Variants in KLHL13 observed in about 807,000 individuals in gnomAD.
KLHL13 encodes the protein kelch like family member 13, also known as kelch-like protein 13.
KLHL13 carries 10 observed loss-of-function variants against 37.1 expected under a neutral mutation model. The observed-to-expected ratio is 0.27, with a 90% CI of 0.17 to 0.46. The LOEUF is 0.46. Among genes scored for constraint, KLHL13 ranks in the 20% least tolerant of loss-of-function variants. The pLI is 1.00. For missense variants in KLHL13, 360 were observed against 509.3 expected, an observed-to-expected ratio of 0.71 and a Z score of 2.82; for synonymous variants, 163 against 181.2, an observed-to-expected ratio of 0.90 and a Z score of 0.81.
At chrX:118,081,188 C>T (rs1265275057) in intron 1 of KLHL13, among the ~76,000 whole-genome samples, 2 of 111,384 alleles carry the variant, frequency 1.8e-5, no homozygotes, top group African/African-American at 6.5e-5. Flanking sequence ...GTGCGATATA[C>T]CCATGTAACA....
At chrX:117,964,541 C>T (rs2053378051) in intron 1 of KLHL13, among the ~76,000 whole-genome samples, 1 of 112,195 alleles carries the variant, frequency 8.9e-6, no homozygotes, top group African/African-American at 3.2e-5. Flanking sequence ...AGTTGAGTAA[C>T]TGCTGAATGT....
At chrX:118,068,196 T>A (rs1376089417) in intron 1 of KLHL13, among the ~76,000 whole-genome samples, 1 of 111,545 alleles carries the variant, frequency 9.0e-6, no homozygotes, top group African/African-American at 3.3e-5. Context: ...TATTTACACA[T>A]CTCTGCACAC....
chrX:118,087,632 C>G (rs893608598), intron 1 of KLHL13, among the ~76,000 whole-genome samples: 1 of 111,055 alleles, frequency 9.0e-6, no homozygotes. Context: ...ATGCATAGTA[C>G]AAAATTAAAG....
chrX:118,059,470 G>A (rs1237698487), intron 1 of KLHL13, among the ~76,000 whole-genome samples: 2 of 111,000 alleles, frequency 1.8e-5, no homozygotes, highest in African/African-American at 6.5e-5. Flanking sequence ...ACGTATAAGG[G>A]AGCACAGTCA....
chrX:117,998,270 T>A, intron 1 of KLHL13, among the ~76,000 whole-genome samples: 2 of 112,262 alleles, frequency 1.8e-5, no homozygotes, highest in South Asian at 3.7e-4. Flanking sequence ...AACGATATCA[T>A]CTCTGAAGAA....
chrX:118,113,419 G>A (rs1438714394), intron 1 of KLHL13, among the ~76,000 whole-genome samples: 2 of 112,013 alleles, frequency 1.8e-5, no homozygotes, highest in Non-Finnish European at 3.8e-5. Context: ...TTCTTTCTCA[G>A]GACCTCCAAG....
At chrX:118,046,147 A>T (rs964495744) in intron 1 of KLHL13, among the ~76,000 whole-genome samples, 7 of 112,724 alleles carry the variant, frequency 6.2e-5, no homozygotes, top group African/African-American at 2.3e-4. Context: ...CTAAGTGTCC[A>T]TCAACAGATG....
At chrX:118,108,322 G>C (rs1243813092) in intron 1 of KLHL13, among the ~76,000 whole-genome samples, 1 of 112,175 alleles carries the variant, frequency 8.9e-6, no homozygotes. Flanking sequence ...GTCAGGCCCT[G>C]TGAACTATGT....
chrX:118,100,821 T>A (rs966411540), intron 1 of KLHL13, among the ~76,000 whole-genome samples: 1 of 111,752 alleles, frequency 8.9e-6, no homozygotes, highest in Non-Finnish European at 1.9e-5. Flanking sequence ...ATCTTGAATG[T>A]CTTCTCATAT....
chrX:118,010,657 G>C (rs1206552070), intron 1 of KLHL13, among the ~76,000 whole-genome samples: 3 of 93,007 alleles, frequency 3.2e-5, no homozygotes, highest in African/African-American at 1.2e-4. Context: ...GAGTTAGTGG[G>C]TGCAGCGCAC....
intron 5 of KLHL13, among the ~76,000 whole-genome samples, chrX:117,906,829 A>G (rs148629148): frequency 3.0e-4 from 33 of 111,560 alleles, no homozygotes; most frequent in African/African-American, 1.0e-3. Flanking sequence ...CAAATGGAAT[A>G]AAATATCAAA....
intron 1 of KLHL13, among the ~76,000 whole-genome samples, chrX:118,077,928 T>C (rs2054944160): frequency 8.9e-6 from 1 of 112,185 alleles, no homozygotes; most frequent in Admixed American, 9.5e-5. Context: ...TCTAAAGTAA[T>C]GTACAGATGC....
At chrX:117,991,224 C>T (rs1354541633) in intron 1 of KLHL13, among the ~76,000 whole-genome samples, 2 of 109,797 alleles carry the variant, frequency 1.8e-5, no homozygotes, top group Non-Finnish European at 3.8e-5. Flanking sequence ...TGTATAAGCC[C>T]TTATGTGCTA....
rs972622118 is a variant in KLHL13, at chrX:118,087,392, T to C, written c.-56+29116A>G. On this transcript the variant is annotated intron_variant, in intron 1 of 6. Coordinates refer to the KLHL13 transcript ENST00000371882. ...TCCACTGAATCTACTCTTTAAAATA[T>C]ATATATATATACACATATATATATC... Among the ~76,000 whole-genome samples, 4 of 109,736 alleles carry C rather than the reference T, an allele frequency of 3.6e-5. No individual in the cohort carries two copies. In the Admixed American group the frequency reaches 3.9e-4, roughly 11 times the overall value.
rs201170363 is a variant in KLHL13, at chrX:117,919,473, C to T, written c.570+48G>A. 53 of 1,019,045 alleles carry T rather than the reference C, an allele frequency of 5.2e-5. No individual in the cohort carries two copies. In the African/African-American group the frequency reaches 9.4e-4, roughly 18 times the overall value. The allele number at this position is 1,019,045 out of a possible 1,213,427, so 84.0% of individuals were successfully genotyped here. On this transcript the variant is annotated intron_variant, in intron 4 of 6. Coordinates refer to ENST00000262820, the Ensembl canonical transcript of KLHL13. ...GCAGATTTCATGAGTCCTAAACAGG[C>T]TACATCAGAGTCTACCACAGGAAAA...
rs149074691 is a variant in KLHL13 at position 117,991,410 on chromosome X, A to C, written c.-55-45835T>G. Among the ~76,000 whole-genome samples, 605 of 111,029 alleles carry C rather than the reference A, an allele frequency of 5.4e-3. 5 individuals carry two copies. The highest frequency in any genetic ancestry group is 0.019 in the African/African-American group (573 of 30,336). On this transcript the variant is annotated intron_variant, in intron 1 of 6. Coordinates refer to the KLHL13 transcript ENST00000371882. ...TATGATTCTGTATAAACCAATCCCA[A>C]GCCAAGAGTAAACATAATACTCCAT... is the stretch of plus-strand genomic sequence containing the variant.
chrX:118,033,029 G>A (rs778873524), intron 1 of KLHL13, among the ~76,000 whole-genome samples: 1 of 110,742 alleles, frequency 9.0e-6, no homozygotes, highest in Non-Finnish European at 1.9e-5. Flanking sequence ...AGTGAGAAGG[G>A]AAGTTTAGAG....
chrX:117,915,878 G>A (rs1474624859), intron 4 of KLHL13, among the ~76,000 whole-genome samples: 1 of 112,694 alleles, frequency 8.9e-6, no homozygotes, highest in African/African-American at 3.2e-5. Context: ...AGCAAATGGG[G>A]CTGGGCGCGG....
chrX:117,907,694 A>G (rs769116525), intron 5 of KLHL13, among the ~76,000 whole-genome samples: 1 of 111,445 alleles, frequency 9.0e-6, no homozygotes, highest in Non-Finnish European at 1.9e-5. Context: ...TAAAAGTCCA[A>G]TTATTAAAAT....
Sources: allele counts gnomAD v4.1 joint callset (sites outside exome capture counted in the v4.1 genomes callset), GRCh38; gene constraint gnomAD v4.1.1; transcripts MANE v1.5; gene names NCBI Gene and HGNC (gene_info 2026-07-23, HGNC 2026-07-21).